The following PTH2R variants were observed in gnomAD, a reference collection of about 807,000 sequenced individuals.
The protein encoded by PTH2R is PTH2 receptor.
A neutral mutation model predicts 60.3 loss-of-function variants in PTH2R; 59 were observed. That is an observed-to-expected ratio of 0.98 (90% confidence interval 0.79 to 1.22). The LOEUF is 1.22. Among genes scored for constraint, PTH2R ranks in the 50% most tolerant of loss-of-function variants. PTH2R has a pLI of 0.00. For missense variants in PTH2R, 749 were observed against 682.6 expected, an observed-to-expected ratio of 1.10 and a Z score of -1.08; for synonymous variants, 256 against 243.8, an observed-to-expected ratio of 1.05 and a Z score of -0.47.
chr2:208,437,734 T>A (rs371358876), intron 3 of PTH2R, 26 bp from the exon 4 acceptor site: 1 of 1,607,984 alleles, frequency 6.2e-7, no homozygotes, highest in African/African-American at 1.3e-5. Flanking sequence ...AACTGAGCGA[T>A]CTCAGCATCT....
chr2:208,457,660 GTAATAAAAGGTGTTATC>G (rs1360782915), intron 8 of PTH2R, among the ~76,000 whole-genome samples: 1 of 152,180 alleles, frequency 6.6e-6, no homozygotes, highest in Non-Finnish European at 1.5e-5. Flanking sequence ...ACACAATATG[GTAATAAAAGGTGTTATC>G]TGTAAGGAGA....
Position 208,489,044 on chromosome 2 carries a change from T to A in PTH2R, c.1109T>A (p.Leu370Gln), listed in dbSNP as rs1194707613. ...GCCAAATCGACACTGGTCCTGGTCC[T>A]AGTCTTTGGAGTGCATTACATCGTG... is the stretch of plus-strand genomic sequence containing the variant. ...KLAKSTLVLV[L>Q]VFGVHYIVFV... Residue 370 changes from leucine (L) to glutamine (Q), a missense_variant, in exon 11 of 13, where the codon CTA becomes CAA. Leu to Gln is a moderately radical substitution (Grantham distance 113). Coordinates refer to ENST00000272847, the MANE Select transcript of PTH2R (RefSeq NM_005048.4). The A allele has an allele frequency of 3.1e-6, 5 of 1,613,996 alleles. No homozygotes were observed. The highest frequency in any genetic ancestry group is 4.2e-6 in the Non-Finnish European group (5 of 1,180,024).
At chr2:208,414,990 A>C (rs920191560) in intron 1 of PTH2R, among the ~76,000 whole-genome samples, 3 of 152,176 alleles carry the variant, frequency 2.0e-5, no homozygotes, top group African/African-American at 7.2e-5. Context: ...AGCCTGAGAA[A>C]CTATCACAAC....
intron 1 of PTH2R, among the ~76,000 whole-genome samples, chr2:208,378,320 G>A (rs1700848401): frequency 6.6e-6 from 1 of 151,622 alleles, no homozygotes; most frequent in South Asian, 2.1e-4. Flanking sequence ...CGCGATGGCA[G>A]CAGTACAGTC....
At chr2:208,365,839 A>G (rs1231096791) in intron 1 of PTH2R, among the ~76,000 whole-genome samples, 2 of 143,362 alleles carry the variant, frequency 1.4e-5, no homozygotes, top group Non-Finnish European at 3.0e-5. Context: ...CCTGGGCTCA[A>G]GCAATTCTGC....
At chr2:208,456,024 A>G (rs1055148591) in intron 8 of PTH2R, among the ~76,000 whole-genome samples, 2 of 152,176 alleles carry the variant, frequency 1.3e-5, no homozygotes, top group Non-Finnish European at 2.9e-5. Flanking sequence ...TGATCCCTTG[A>G]GGCCAGGGGT....
At chr2:208,423,182 A>G (rs1701791126) in intron 1 of PTH2R, among the ~76,000 whole-genome samples, 1 of 151,878 alleles carries the variant, frequency 6.6e-6, no homozygotes, top group Non-Finnish European at 1.5e-5. Context: ...GGGAGATTAT[A>G]TTACTGATGC....
chr2:208,453,939 A>G (rs1230195587), intron 8 of PTH2R, among the ~76,000 whole-genome samples: 2 of 152,202 alleles, frequency 1.3e-5, no homozygotes, highest in African/African-American at 4.8e-5. Flanking sequence ...ATCATTATAT[A>G]TAAACAGAAA....
chr2:208,465,081 T>TC (rs1702715982), intron 9 of PTH2R, among the ~76,000 whole-genome samples: 3 of 152,088 alleles, frequency 2.0e-5, no homozygotes, highest in Admixed American at 2.0e-4. Context: ...GCTCAAGTGA[T>TC]CCTCCTGCCT....
rs1703458111 is a variant in PTH2R at position 208,493,478 on chromosome 2, C to G, written c.1472C>G (p.Thr491Ser). Reference protein sequence around the residue: ...IASRQPDSHITLPGYVWSNSE... With the variant: ...IASRQPDSHISLPGYVWSNSE... ...AGCAGACAGCCTGACAGCCACATCA[C>G]TTTACCTGGCTATGTCTGGAGTAAC... is the stretch of plus-strand genomic sequence containing the variant. The change falls in exon 13 of 13, where the codon ACT (threonine) becomes AGT (serine). Residue 491 changes from threonine to serine, a missense_variant. Transcript: ENST00000272847. The G allele has an allele frequency of 6.2e-7, 1 of 1,612,322 alleles. No homozygotes were observed. The highest frequency in any genetic ancestry group is 1.3e-5 in the African/African-American group (1 of 74,936).
intron 1 of PTH2R, among the ~76,000 whole-genome samples, chr2:208,365,949 TATATATATATA>T (rs1245444586): frequency 7.7e-4 from 16 of 20,890 alleles, no homozygotes; most frequent in African/African-American, 2.1e-3. Flanking sequence ...TATATATATA[TATATATATATA>T]TTTTTTTTTT....
At chr2:208,483,076 G>A (rs1452541202) in intron 10 of PTH2R, among the ~76,000 whole-genome samples, 2 of 152,130 alleles carry the variant, frequency 1.3e-5, no homozygotes, top group African/African-American at 4.8e-5. Context: ...ATAGTTTCAG[G>A]GGGGGTCCCT....
intron 4 of PTH2R, among the ~76,000 whole-genome samples, chr2:208,439,546 A>G (rs1327005153): frequency 6.6e-6 from 1 of 151,974 alleles, no homozygotes; most frequent in African/African-American, 2.4e-5. Context: ...GCAAAAAACT[A>G]AAAAAGTGTA....
intron 4 of PTH2R, among the ~76,000 whole-genome samples, chr2:208,439,955 C>A (rs1438480012): frequency 6.6e-6 from 1 of 151,924 alleles, no homozygotes; most frequent in African/African-American, 2.4e-5. Flanking sequence ...AATGTTTCAA[C>A]GAGTTTAAAT....
At chr2:208,408,740 A>AGAGAGAGAGAGAGAGAGAG (rs1553542827) in intron 1 of PTH2R, among the ~76,000 whole-genome samples, 4 of 123,316 alleles carry the variant, frequency 3.2e-5, no homozygotes, top group African/African-American at 1.6e-4. Flanking sequence ...GAGAGAGAGA[A>AGAGAGAGAGAGAGAGAGAG]AGAGAGAGAG....
chr2:208,425,921 T>G (rs1041631742), intron 1 of PTH2R, among the ~76,000 whole-genome samples: 5 of 152,260 alleles, frequency 3.3e-5, no homozygotes, highest in Non-Finnish European at 5.9e-5. Flanking sequence ...CTCTGCTATC[T>G]TCTCTCTGCC....
At chr2:208,411,255 T>G (rs980375877) in intron 1 of PTH2R, among the ~76,000 whole-genome samples, 1 of 152,226 alleles carries the variant, frequency 6.6e-6, no homozygotes, top group Non-Finnish European at 1.5e-5. Context: ...AGGGACTGTC[T>G]TTGGCAGAAT....
chr2:208,486,582 A>G (rs1703278113), intron 10 of PTH2R, among the ~76,000 whole-genome samples: 1 of 152,222 alleles, frequency 6.6e-6, no homozygotes, highest in South Asian at 2.1e-4. Flanking sequence ...AAAGGAGGAA[A>G]TATAATTTTT....
intron 1 of PTH2R, among the ~76,000 whole-genome samples, chr2:208,387,270 T>C (rs1382479754): frequency 6.6e-6 from 1 of 152,178 alleles, no homozygotes; most frequent in Non-Finnish European, 1.5e-5. Context: ...ACAGATAAGC[T>C]CCAGGGAGAG....
Sources: allele counts gnomAD v4.1 joint callset (sites outside exome capture counted in the v4.1 genomes callset), GRCh38; gene constraint gnomAD v4.1.1; transcripts MANE v1.5; gene names NCBI Gene and HGNC (gene_info 2026-07-23, HGNC 2026-07-21).